Variants in HDAC9 observed in about 807,000 individuals in gnomAD.
The protein encoded by HDAC9 is MEF-2 interacting transcription repressor (MITR) protein.
In HDAC9, 41 loss-of-function variants were observed where a neutral mutation model predicts 139.4. That is an observed-to-expected ratio of 0.29 (90% CI 0.23 to 0.38). The LOEUF is 0.38. Ranked by LOEUF, HDAC9 falls within the 10% of genes least tolerant of loss-of-function variation. The probability of loss-of-function intolerance (pLI) is 1.00; values close to 1 mark genes in which losing one functional copy is unlikely to be tolerated. For synonymous variants in HDAC9, 517 were observed against 476.2 expected, an observed-to-expected ratio of 1.09 and a Z score of -1.12; for missense variants, 1,147 against 1,297.0, an observed-to-expected ratio of 0.88 and a Z score of 1.78.
chr7:18,957,148 G>A (rs1001819319), intron 24 of HDAC9, among the ~76,000 whole-genome samples: 10 of 152,126 alleles, frequency 6.6e-5, no homozygotes, highest in Non-Finnish European at 8.8e-5. Context: ...ACACAAGATC[G>A]GAAAGCGATC....
At chr7:18,815,472 T>A (rs1794495957) in intron 17 of HDAC9, among the ~76,000 whole-genome samples, 1 of 152,226 alleles carries the variant, frequency 6.6e-6, no homozygotes. Context: ...ATTGTTATTA[T>A]TTTCATAAAA....
At chr7:18,614,863 G>A (rs1274981339) in intron 6 of HDAC9, among the ~76,000 whole-genome samples, 1 of 152,084 alleles carries the variant, frequency 6.6e-6, no homozygotes, top group Non-Finnish European at 1.5e-5. Context: ...AATATGTTCT[G>A]GTTAAAGCCA....
chr7:18,899,550 C>T (rs1585259708), intron 22 of HDAC9: 1 of 151,864 alleles, frequency 6.6e-6, no homozygotes, highest in Non-Finnish European at 1.5e-5. Flanking sequence ...TCAGAATCTA[C>T]AGATTTTAAT....
intron 17 of HDAC9, among the ~76,000 whole-genome samples, chr7:18,825,893 T>C (rs1795394856): frequency 6.7e-6 from 1 of 148,232 alleles, no homozygotes; most frequent in Admixed American, 6.8e-5. Context: ...ATATAATATA[T>C]ATAATGTTAT....
intron 21 of HDAC9, among the ~76,000 whole-genome samples, chr7:18,874,161 T>C (rs565124046): frequency 6.6e-6 from 1 of 152,142 alleles, no homozygotes; most frequent in South Asian, 2.1e-4. Flanking sequence ...AAGCAGTTTT[T>C]TATAGGCAGT....
At chr7:18,572,241 A>G (rs1264786945) in intron 2 of HDAC9, among the ~76,000 whole-genome samples, 7 of 150,758 alleles carry the variant, frequency 4.6e-5, no homozygotes, top group Non-Finnish European at 8.8e-5. Context: ...ATGAGAGGGA[A>G]GTTTTGTTAG....
chr7:18,658,924 A>G (rs1792228275), intron 11 of HDAC9, among the ~76,000 whole-genome samples: 1 of 151,706 alleles, frequency 6.6e-6, no homozygotes, highest in Non-Finnish European at 1.5e-5. Context: ...CAAAACAACA[A>G]CAACAACTTC....
intron 2 of HDAC9, among the ~76,000 whole-genome samples, chr7:18,522,587 G>GT (rs1166052930): frequency 2.7e-5 from 4 of 148,754 alleles, no homozygotes; most frequent in South Asian, 2.1e-4. Context: ...AAGCAGGGTG[G>GT]TTTTTTTAAA....
rs569527546 is a variant in HDAC9 at position 18,174,206 on chromosome 7, A to C, written c.25+11857A>C. On this transcript the variant is annotated intron_variant, in intron 2 of 12. Coordinates refer to the HDAC9 transcript ENST00000417496. ...GCTTTATTTCATTAATTTGATCTTC[A>C]ATCACTGATACCTTTTCTTCCACTT... Among the ~76,000 whole-genome samples the C allele has an allele frequency of 2.6e-5, 4 of 152,134 alleles. No individual in the cohort carries two copies. In the South Asian group the frequency reaches 8.3e-4, roughly 32 times the overall value.
chr7:18,805,299 A>G (rs1030978296), intron 17 of HDAC9, among the ~76,000 whole-genome samples: 16 of 152,212 alleles, frequency 1.1e-4, no homozygotes, highest in Admixed American at 5.2e-4. Flanking sequence ...GGTTCACTTT[A>G]GACTGTTACC....
Position 18,824,056 on chromosome 7 carries a change from A to G in HDAC9, c.2323-5105A>G, listed in dbSNP as rs62446640. Among the ~76,000 whole-genome samples the G allele has an allele frequency of 8.7e-3, 638 of 73,356 alleles. 1 individual carries two copies. Among genetic ancestry groups the G allele is most frequent in the African/African-American group, 0.018 (492 of 27,624 alleles). 48.1% of individuals were successfully genotyped at this position (73,356 alleles called of 152,430 possible). A position where few individuals can be genotyped will look rare whatever the true frequency, so the allele number is the denominator to read the frequency against. ...AGGAAGAGGAAGAGGAAGAAGAAGAAGAAGAAGAAGAAGAAGAAGAAGAAG... is the reference window on the plus strand; with the variant it reads ...AGGAAGAGGAAGAGGAAGAAGAAGAGGAAGAAGAAGAAGAAGAAGAAGAAG... On this transcript the variant is annotated intron_variant, in intron 17 of 25. Coordinates refer to ENST00000686413, the MANE Select transcript of HDAC9 (RefSeq NM_178425.4).
chr7:18,495,078 G>A (rs1355388310), upstream of HDAC9, among the ~76,000 whole-genome samples: 2 of 152,172 alleles, frequency 1.3e-5, no homozygotes, highest in African/African-American at 4.8e-5. Context: ...AAAAAATCAA[G>A]CCTGTCCTTC....
At chr7:18,902,974 A>T (rs1287238235) in intron 22 of HDAC9, among the ~76,000 whole-genome samples, 1 of 152,232 alleles carries the variant, frequency 6.6e-6, no homozygotes, top group Non-Finnish European at 1.5e-5. Flanking sequence ...AGCAAAACCA[A>T]TTGTGCAGAG....
chr7:18,827,623 G>T (rs1330776848), intron 17 of HDAC9, among the ~76,000 whole-genome samples: 1 of 152,092 alleles, frequency 6.6e-6, no homozygotes, highest in African/African-American at 2.4e-5. Context: ...ACTGGTTACT[G>T]GGTGTTTTCT....
At chr7:18,272,150 A>G (rs912656792) in intron 2 of HDAC9, among the ~76,000 whole-genome samples, 1 of 152,216 alleles carries the variant, frequency 6.6e-6, no homozygotes, top group African/African-American at 2.4e-5. Context: ...TTTATGTTTT[A>G]CAGGATGAGT....
intron 1 of HDAC9, among the ~76,000 whole-genome samples, chr7:18,362,887 A>G (rs960523431): frequency 2.0e-5 from 3 of 152,118 alleles, no homozygotes; most frequent in African/African-American, 7.2e-5. Flanking sequence ...TAGTTTGTAT[A>G]TTTCCTCTAG....
intron 6 of HDAC9, among the ~76,000 whole-genome samples, chr7:18,614,938 A>T (rs1194702381): frequency 1.3e-5 from 2 of 152,230 alleles, no homozygotes; most frequent in Admixed American, 6.5e-5. Flanking sequence ...TGATTTTCTC[A>T]TGGGAAACTC....
At chr7:18,432,805 G>T (rs1177630825) in intron 1 of HDAC9, among the ~76,000 whole-genome samples, 1 of 152,086 alleles carries the variant, frequency 6.6e-6, no homozygotes, top group Non-Finnish European at 1.5e-5. Flanking sequence ...CAAAAAATTA[G>T]CTGGGCATGG....
At chr7:18,270,702 C>T (rs1302577369) in intron 2 of HDAC9, among the ~76,000 whole-genome samples, 1 of 152,022 alleles carries the variant, frequency 6.6e-6, no homozygotes, top group Non-Finnish European at 1.5e-5. Context: ...AATTATTAGT[C>T]ATGGTTGCTT....
Sources: allele counts gnomAD v4.1 joint callset (sites outside exome capture counted in the v4.1 genomes callset), GRCh38; gene constraint gnomAD v4.1.1; transcripts MANE v1.5; gene names NCBI Gene and HGNC (gene_info 2026-07-23, HGNC 2026-07-21).